The following KIF26B variants were observed in gnomAD, a reference collection of about 807,000 sequenced individuals.
KIF26B encodes the protein kinesin family member 26B, also known as kinesin-like protein KIF26B.
A neutral mutation model predicts 151.2 loss-of-function variants in KIF26B; 63 were observed. The ratio of observed to expected loss-of-function variants is 0.42; its 90% CI spans 0.34 to 0.51. The LOEUF is 0.51. Ranked by LOEUF, KIF26B falls within the 20% of genes least tolerant of loss-of-function variation. The probability of loss-of-function intolerance (pLI) is 0.07; values close to 1 mark genes in which losing one functional copy is unlikely to be tolerated. For missense variants in KIF26B, 2,813 were observed against 2,913.6 expected (o/e 0.97, Z 0.79); for synonymous variants, 1,357 against 1,262.1 (o/e 1.08, Z -1.59).
intron 4 of KIF26B, among the ~76,000 whole-genome samples, chr1:245,433,139 C>T (rs1283561570): frequency 6.6e-6 from 1 of 152,084 alleles, no homozygotes; most frequent in Non-Finnish European, 1.5e-5. Flanking sequence ...AAACTTAGAT[C>T]TCTCTTGCTT....
At chr1:245,230,392 TC>T (rs1307799605) in intron 2 of KIF26B, among the ~76,000 whole-genome samples, 1 of 151,902 alleles carries the variant, frequency 6.6e-6, no homozygotes, top group Non-Finnish European at 1.5e-5. Flanking sequence ...TCTAAGAAAA[TC>T]CAATTGATGT....
In KIF26B at chr1:245,697,271, A is replaced by G. The variant is rs531004895; in HGVS notation, c.5825-835A>G. Among the ~76,000 whole-genome samples the G allele has an allele frequency of 5.9e-5, 9 of 152,252 alleles. No individual in the cohort carries two copies. In the South Asian group the frequency reaches 1.9e-3, roughly 32 times the overall value. On this transcript the variant is annotated intron_variant, in intron 12 of 14. Coordinates refer to ENST00000407071, the MANE Select transcript of KIF26B (RefSeq NM_018012.4). ...AAACGTCAGTCCCCTGTACCATGCA[A>G]GAGTTTAGTCTCCATTCTGGGAGCC...
At position 245,287,133 on chromosome 1, in the gene KIF26B, A is replaced by T. The variant is rs116071858; in HGVS notation, c.466-79701A>T. Among the ~76,000 whole-genome samples, 898 of 152,252 alleles carry T rather than the reference A, an allele frequency of 5.9e-3. 8 individuals carry two copies. The highest frequency in any genetic ancestry group is 0.02 in the African/African-American group (843 of 41,530). On this transcript the variant is annotated intron_variant, in intron 2 of 14. Transcript: ENST00000407071. ...CAAAAAAAACAAAATTTTTTAAAAA[A>T]TTTTCTTACAACTTTTCAGAAACCT...
intron 4 of KIF26B, among the ~76,000 whole-genome samples, chr1:245,538,801 G>A (rs555414595): frequency 6.6e-6 from 1 of 152,240 alleles, no homozygotes; most frequent in South Asian, 2.1e-4. Context: ...GACATAGGCA[G>A]GCTGGCTTGA....
intron 4 of KIF26B, among the ~76,000 whole-genome samples, chr1:245,515,217 TC>T (rs1164050572): frequency 6.6e-6 from 1 of 152,064 alleles, no homozygotes; most frequent in Admixed American, 6.5e-5. Flanking sequence ...GCACGACGGG[TC>T]CTCCTCCTGG....
At chr1:245,610,049 C>T (rs1364105773) in intron 8 of KIF26B, among the ~76,000 whole-genome samples, 1 of 152,202 alleles carries the variant, frequency 6.6e-6, no homozygotes, top group East Asian at 1.9e-4. Flanking sequence ...GATGCTAAGC[C>T]TGTTGGGAGG....
chr1:245,602,886 C>A lies in KIF26B; in HGVS notation c.1557+103C>A. The stretch of plus-strand genomic sequence containing the variant: ...CTGGGAGGGTGTCTTCTGGAGCATT[C>A]TGATGGACCAGTTCCTTCAGGAGTC... On this transcript the variant is annotated intron_variant, in intron 6 of 14. Transcript: ENST00000407071. This position sits in a 1 kb window ranked among gnomAD's most constrained non-coding sequence, Gnocchi z 4.5. The A allele has an allele frequency of 9.9e-7, 1 of 1,014,628 alleles. No homozygotes were observed. 62.9% of individuals were successfully genotyped at this position (1,014,628 alleles called of 1,614,324 possible).
chr1:245,424,267 C>G (rs1457062140), intron 4 of KIF26B, among the ~76,000 whole-genome samples: 1 of 152,158 alleles, frequency 6.6e-6, no homozygotes, highest in African/African-American at 2.4e-5. Flanking sequence ...GTGATTCTGC[C>G]TCAGCCTCCC....
At chr1:245,554,090 C>T (rs1015031422) in intron 5 of KIF26B, among the ~76,000 whole-genome samples, 3 of 152,072 alleles carry the variant, frequency 2.0e-5, no homozygotes, top group Admixed American at 6.6e-5. Context: ...CCATGTCCCA[C>T]CCCTGTCCCC....
At chr1:245,509,392 C>T (rs532152063) in intron 4 of KIF26B, among the ~76,000 whole-genome samples, 1 of 152,266 alleles carries the variant, frequency 6.6e-6, no homozygotes, top group Non-Finnish European at 1.5e-5. Flanking sequence ...GGAAGATGAG[C>T]GTTCCAGGTA....
intron 9 of KIF26B, among the ~76,000 whole-genome samples, chr1:245,613,727 C>T (rs953261741): frequency 6.6e-6 from 1 of 152,244 alleles, no homozygotes; most frequent in Admixed American, 6.5e-5. Context: ...TTGCGGGCTT[C>T]TGCTGTCCCC....
intron 2 of KIF26B, among the ~76,000 whole-genome samples, chr1:245,232,444 C>A (rs578175806): frequency 6.6e-6 from 1 of 151,996 alleles, no homozygotes; most frequent in South Asian, 2.1e-4. Flanking sequence ...AGCTAATACT[C>A]CTTAATTATG....
intron 2 of KIF26B, among the ~76,000 whole-genome samples, chr1:245,223,162 C>T (rs1669807368): frequency 1.3e-5 from 2 of 152,160 alleles, no homozygotes; most frequent in Admixed American, 6.5e-5. Context: ...TTCCACATGG[C>T]AAGCCCCCAC....
chr1:245,407,563 G>C (rs1674167257), intron 3 of KIF26B, among the ~76,000 whole-genome samples: 1 of 151,538 alleles, frequency 6.6e-6, no homozygotes, highest in Non-Finnish European at 1.5e-5. Context: ...ATTGAATTAT[G>C]TATAAGCCGA....
chr1:245,194,716 T>A (rs1011540685), intron 2 of KIF26B, among the ~76,000 whole-genome samples: 11 of 152,348 alleles, frequency 7.2e-5, no homozygotes, highest in Non-Finnish European at 1.5e-4. Flanking sequence ...AGCCTGTTAG[T>A]GTTAACCATG....
intron 4 of KIF26B, among the ~76,000 whole-genome samples, chr1:245,500,947 A>G (rs534703186): frequency 3.9e-5 from 6 of 152,356 alleles, no homozygotes; most frequent in African/African-American, 1.4e-4. Flanking sequence ...ATCCCCTGAC[A>G]ATCAAAGAGG....
chr1:245,316,182 G>A (rs186091839), intron 2 of KIF26B, among the ~76,000 whole-genome samples: 202 of 151,770 alleles, frequency 1.3e-3, no homozygotes, highest in South Asian at 2.3e-3. Context: ...TGTTGCCCAG[G>A]ATAGAGTGCA....
intron 4 of KIF26B, among the ~76,000 whole-genome samples, chr1:245,534,608 T>G (rs963770981): frequency 1.3e-5 from 2 of 152,234 alleles, no homozygotes; most frequent in Admixed American, 6.5e-5. Flanking sequence ...GGAAATATAT[T>G]GTACTATCCT....
At chr1:245,559,166 G>T (rs1662108421) in intron 5 of KIF26B, among the ~76,000 whole-genome samples, 1 of 152,090 alleles carries the variant, frequency 6.6e-6, no homozygotes, top group Admixed American at 6.6e-5. Flanking sequence ...GCAACGTAGG[G>T]AGACCCCATC....
Sources: gnomAD v4.1 joint callset for allele counts (sites outside exome capture counted in the v4.1 genomes callset) on GRCh38, gnomAD v4.1.1 for gene constraint, Gnocchi (gnomAD v3.1) non-coding constraint, MANE v1.5 for transcripts, NCBI Gene and HGNC (gene_info 2026-07-23, HGNC 2026-07-21) for gene names.